Variants in TNR observed in about 807,000 individuals in gnomAD.
The protein encoded by TNR is tenascin-R.
Under a neutral mutation model 150.4 loss-of-function variants are expected in TNR, and 45 were observed. The observed-to-expected ratio is 0.30, with a 90% confidence interval of 0.24 to 0.38. TNR has a LOEUF of 0.38. TNR is among the 10% of genes least tolerant of loss of function. TNR has a pLI of 1.00. For missense variants in TNR, 1,544 were observed against 1,759.1 expected, an observed-to-expected ratio of 0.88 and a Z score of 2.19; for synonymous variants, 687 against 678.4, an observed-to-expected ratio of 1.01 and a Z score of -0.20.
intron 1 of TNR, among the ~76,000 whole-genome samples, chr1:175,605,123 C>CA (rs1273141674): frequency 6.6e-6 from 1 of 152,198 alleles, no homozygotes; most frequent in Non-Finnish European, 1.5e-5. Context: ...ATCAGGCAGC[C>CA]AGGCTGCACA....
intron 1 of TNR, among the ~76,000 whole-genome samples, chr1:175,716,463 G>A (rs573933158): frequency 5.1e-4 from 77 of 152,078 alleles, no homozygotes; most frequent in Non-Finnish European, 1.0e-3. Context: ...AAGTTCCTGT[G>A]TATGCTCAGT....
chr1:175,664,531 G>T (rs1431623808), intron 1 of TNR, among the ~76,000 whole-genome samples: 1 of 152,208 alleles, frequency 6.6e-6, no homozygotes, highest in African/African-American at 2.4e-5. Context: ...CTAACATGTG[G>T]TAGGCTACTC....
chr1:175,566,375 A>T (rs1205719104), intron 1 of TNR, among the ~76,000 whole-genome samples: 1 of 152,240 alleles, frequency 6.6e-6, no homozygotes, highest in Admixed American at 6.5e-5. Context: ...CGGGTGGTGA[A>T]GGCAGAGAAA....
intron 1 of TNR, among the ~76,000 whole-genome samples, chr1:175,568,911 A>G (rs1446554585): frequency 6.6e-6 from 1 of 152,146 alleles, no homozygotes; most frequent in East Asian, 1.9e-4. Flanking sequence ...AAGACTAAGG[A>G]AAAGTTCCTT....
At chr1:175,398,040 T>C (rs1214126665) in intron 4 of TNR, among the ~76,000 whole-genome samples, 3 of 152,210 alleles carry the variant, frequency 2.0e-5, no homozygotes, top group Non-Finnish European at 4.4e-5. Context: ...ATTTCTCCCC[T>C]GGGTAATCTC....
intron 2 of TNR, among the ~76,000 whole-genome samples, chr1:175,409,175 T>C (rs1654095217): frequency 6.6e-6 from 1 of 152,222 alleles, no homozygotes; most frequent in Non-Finnish European, 1.5e-5. Flanking sequence ...CTATCAGTCA[T>C]TTACACACAG....
At chr1:175,331,005 CT>C (rs1466794632) in intron 20 of TNR, among the ~76,000 whole-genome samples, 1 of 38,960 alleles carries the variant, frequency 2.6e-5, no homozygotes, top group African/African-American at 9.9e-5. Flanking sequence ...GTGATTCTTT[CT>C]TTCTTTCTTT....
intron 1 of TNR, among the ~76,000 whole-genome samples, chr1:175,715,113 T>C (rs1460309886): frequency 6.6e-6 from 1 of 152,196 alleles, no homozygotes; most frequent in African/African-American, 2.4e-5. Flanking sequence ...CCAGCACAGA[T>C]GCACTGAAAC....
At chr1:175,324,254 A>G in intron 22 of TNR, 102 bp downstream of exon 22, 1 of 1,255,600 alleles carries the variant, frequency 8.0e-7, no homozygotes, top group Non-Finnish European at 1.1e-6. Context: ...TTTCTTTTTA[A>G]AGGGAAATGA....
At chr1:175,400,095 C>T (rs909643533) in intron 4 of TNR, among the ~76,000 whole-genome samples, 2 of 152,304 alleles carry the variant, frequency 1.3e-5, no homozygotes, top group Admixed American at 6.5e-5. Context: ...CCTGGCCAGC[C>T]CCAGCACTAA....
rs1648909723 is a variant in TNR, at chr1:175,318,689, C to A, written c.*4668G>T. The A allele has an allele frequency of 6.6e-6, 1 of 152,382 alleles. No homozygotes were observed. Among genetic ancestry groups the A allele is most frequent in the South Asian group, 2.1e-4 (1 of 4,826 alleles). The allele number at this position is 152,382 out of a possible 1,614,324, so 9.4% of individuals were successfully genotyped here. Reference sequence around the variant, plus strand: ...TGTGGTCAAAGAGAGGCTACAGGAACAACCCCAGGGGCCAGCCTGTAACTC... The same window carrying A: ...TGTGGTCAAAGAGAGGCTACAGGAAAAACCCCAGGGGCCAGCCTGTAACTC... On this transcript the variant is annotated 3_prime_UTR_variant, in exon 23 of 23. Transcript: ENST00000367674.
intron 2 of TNR, among the ~76,000 whole-genome samples, chr1:175,419,625 G>C (rs1247609436): frequency 6.6e-6 from 1 of 152,142 alleles, no homozygotes. Flanking sequence ...AGGACTGCAA[G>C]TGCCCACCAC....
chr1:175,728,955 G>A (rs914713342), intron 1 of TNR, among the ~76,000 whole-genome samples: 1 of 152,136 alleles, frequency 6.6e-6, no homozygotes, highest in Non-Finnish European at 1.5e-5. Context: ...TGATGAAGCC[G>A]GGGTCTGAAG....
At chr1:175,402,046 G>T (rs557090098) in intron 4 of TNR, among the ~76,000 whole-genome samples, 1 of 152,008 alleles carries the variant, frequency 6.6e-6, no homozygotes, top group Non-Finnish European at 1.5e-5. Flanking sequence ...GGTGGCTCAC[G>T]CCTGTAATCC....
intron 18 of TNR, among the ~76,000 whole-genome samples, chr1:175,351,191 C>T (rs1362606890): frequency 6.6e-6 from 1 of 152,158 alleles, no homozygotes; most frequent in Non-Finnish European, 1.5e-5. Context: ...TTCAATTTTG[C>T]TTTTCCTTAT....
intron 1 of TNR, among the ~76,000 whole-genome samples, chr1:175,536,569 C>T (rs1037415720): frequency 2.0e-5 from 3 of 152,224 alleles, no homozygotes; most frequent in African/African-American, 7.2e-5. Context: ...TCCAGATGGC[C>T]TCCTTTGTCC....
chr1:175,331,053 C>A (rs1649787255), intron 20 of TNR, among the ~76,000 whole-genome samples: 1 of 113,246 alleles, frequency 8.8e-6, no homozygotes, highest in African/African-American at 3.4e-5. Context: ...TTCTTTCTTT[C>A]TTTCTTTCTT....
chr1:175,331,963 T>C (rs547010234), intron 20 of TNR, among the ~76,000 whole-genome samples: 2 of 152,244 alleles, frequency 1.3e-5, no homozygotes, highest in Non-Finnish European at 2.9e-5. Context: ...GTTTGACTGC[T>C]GTTTGCTGTT....
At chr1:175,637,051 T>C (rs1664510249) in intron 1 of TNR, among the ~76,000 whole-genome samples, 1 of 152,230 alleles carries the variant, frequency 6.6e-6, no homozygotes, top group Non-Finnish European at 1.5e-5. Context: ...TTTGTCCTGG[T>C]TTTAACATTT....
Sources: gnomAD v4.1 joint callset for allele counts (sites outside exome capture counted in the v4.1 genomes callset) on GRCh38, gnomAD v4.1.1 for gene constraint, MANE v1.5 for transcripts, NCBI Gene and HGNC (gene_info 2026-07-23, HGNC 2026-07-21) for gene names.